The following UBE2E2 variants were observed in gnomAD, a reference collection of about 807,000 sequenced individuals.
UBE2E2 encodes ubiquitin-conjugating enzyme E2 E2.
A neutral mutation model predicts 24.7 loss-of-function variants in UBE2E2; 6 were observed. The ratio of observed to expected loss-of-function variants is 0.24; its 90% confidence interval spans 0.13 to 0.48. The LOEUF is 0.48. Among genes scored for constraint, UBE2E2 ranks in the 20% least tolerant of loss-of-function variants. UBE2E2 has a pLI of 0.99. For synonymous variants in UBE2E2, 104 were observed against 83.6 expected, an observed-to-expected ratio of 1.24 and a Z score of -1.33; for missense variants, 169 against 245.0, an observed-to-expected ratio of 0.69 and a Z score of 2.07.
chr3:23,506,009 C>T (rs1694448171), intron 4 of UBE2E2, among the ~76,000 whole-genome samples: 1 of 152,188 alleles, frequency 6.6e-6, no homozygotes, highest in Non-Finnish European at 1.5e-5. Context: ...TGCACCCTTA[C>T]TCTAGATTAT....
chr3:23,301,409 G>T (rs1312388369), intron 3 of UBE2E2, among the ~76,000 whole-genome samples: 3 of 152,096 alleles, frequency 2.0e-5, no homozygotes, highest in Non-Finnish European at 4.4e-5. Flanking sequence ...CCATGTTTGT[G>T]GTTTTATCTA....
At chr3:23,210,469 A>G (rs1696289573) in intron 2 of UBE2E2, among the ~76,000 whole-genome samples, 1 of 152,192 alleles carries the variant, frequency 6.6e-6, no homozygotes, top group South Asian at 2.1e-4. Flanking sequence ...TATGTCAAAG[A>G]CCAAATTCTG....
rs150970405 is a variant in UBE2E2, at chr3:23,504,912, C to CTTTTTTTTTTTTTTTTTTTTTTTTTTTT, written c.360+5186_360+5187insTTTTTTTTTTTTTTTTTTTTTTTTTTTT. Among the ~76,000 whole-genome samples the CTTTTTTTTTTTTTTTTTTTTTTTTTTTT allele has an allele frequency of 1.2e-3, 115 of 95,038 alleles. 17 individuals are homozygous for CTTTTTTTTTTTTTTTTTTTTTTTTTTTT. Among genetic ancestry groups the CTTTTTTTTTTTTTTTTTTTTTTTTTTTT allele is most frequent in the African/African-American group, 3.6e-3 (78 of 21,568 alleles). The allele number at this position is 95,038 out of a possible 152,430, so 62.3% of individuals were successfully genotyped here. Reference sequence around the variant, plus strand: ...AATGTTTCTGTTTCAGACATTCTTTCTTTTTTTTTTTTTTGAGACAGGGTC... The same window carrying CTTTTTTTTTTTTTTTTTTTTTTTTTTTT: ...AATGTTTCTGTTTCAGACATTCTTTCTTTTTTTTTTTTTTTTTTTTTTTTTTTTTTTTTTTTTTTTTTGAGACAGGGTC... On this transcript the variant is annotated intron_variant, in intron 4 of 5. Transcript: ENST00000396703.
chr3:23,399,014 T>G (rs1398293557), intron 3 of UBE2E2, among the ~76,000 whole-genome samples: 1 of 152,202 alleles, frequency 6.6e-6, no homozygotes, highest in African/African-American at 2.4e-5. Context: ...AAACCTCAGA[T>G]AGTACCAAAC....
chr3:23,385,647 T>G (rs1398643380), intron 3 of UBE2E2, among the ~76,000 whole-genome samples: 1 of 152,214 alleles, frequency 6.6e-6, no homozygotes, highest in South Asian at 2.1e-4. Context: ...ATATGTGGGT[T>G]TAAGTTCTGT....
At chr3:23,373,116 C>T (rs1559365055) in intron 3 of UBE2E2, among the ~76,000 whole-genome samples, 1 of 152,134 alleles carries the variant, frequency 6.6e-6, no homozygotes, top group Non-Finnish European at 1.5e-5. Flanking sequence ...ACCCTTCCTC[C>T]TCAACTCCCC....
At chr3:23,558,382 A>T (rs1408462845) in intron 5 of UBE2E2, among the ~76,000 whole-genome samples, 2 of 152,158 alleles carry the variant, frequency 1.3e-5, no homozygotes, top group African/African-American at 4.8e-5. Flanking sequence ...CTGGGCAAAC[A>T]TAGATGTACA....
intron 5 of UBE2E2, among the ~76,000 whole-genome samples, chr3:23,540,324 A>C (rs975169344): frequency 6.6e-6 from 1 of 152,204 alleles, no homozygotes; most frequent in Admixed American, 6.5e-5. Flanking sequence ...ACTTAAGGGT[A>C]TGTTACTAAA....
intron 3 of UBE2E2, among the ~76,000 whole-genome samples, chr3:23,489,646 G>T (rs1017204588): frequency 6.6e-6 from 1 of 152,176 alleles, no homozygotes; most frequent in Admixed American, 6.5e-5. Context: ...GGGATAATGC[G>T]AGTAATGCGA....
chr3:23,544,599 G>A (rs1038986574), intron 5 of UBE2E2, among the ~76,000 whole-genome samples: 8 of 152,174 alleles, frequency 5.3e-5, no homozygotes, highest in African/African-American at 1.9e-4. Flanking sequence ...CACTGCTGGT[G>A]GGAATGTAAA....
chr3:23,544,136 T>G (rs1314366181), intron 5 of UBE2E2, among the ~76,000 whole-genome samples: 1 of 152,144 alleles, frequency 6.6e-6, no homozygotes, highest in African/African-American at 2.4e-5. Context: ...AAAACTCTTT[T>G]GGGCGTTGGT....
chr3:23,423,816 G>A (rs1009767673), intron 3 of UBE2E2, among the ~76,000 whole-genome samples: 4 of 152,062 alleles, frequency 2.6e-5, no homozygotes, highest in African/African-American at 7.2e-5. Flanking sequence ...CTAAATCTCC[G>A]ATCAGTAGTA....
rs530910245 is a variant in UBE2E2 at position 23,328,326 on chromosome 3, T to C, written c.227+111014T>C. ...TTACAATGGTTAGATTTAAATTTTT[T>C]TGACTTTATGATGGTGCAAAAGTGA... On this transcript the variant is annotated intron_variant, in intron 3 of 5. Coordinates refer to ENST00000396703, the MANE Select transcript of UBE2E2 (RefSeq NM_152653.4). Among the ~76,000 whole-genome samples, 14 of 152,330 alleles carry C rather than the reference T, an allele frequency of 9.2e-5. No homozygotes were observed. The South Asian group carries it at 2.7e-3, about 29-fold the overall frequency.
intron 3 of UBE2E2, among the ~76,000 whole-genome samples, chr3:23,354,745 A>T (rs1301200683): frequency 6.6e-6 from 1 of 152,178 alleles, no homozygotes; most frequent in Non-Finnish European, 1.5e-5. Flanking sequence ...GCTGGAGAGG[A>T]TGTGGAGAAA....
intron 3 of UBE2E2, among the ~76,000 whole-genome samples, chr3:23,278,104 G>A (rs1698409436): frequency 1.3e-5 from 2 of 151,998 alleles, no homozygotes; most frequent in African/African-American, 2.4e-5. Context: ...CAAATAGAAT[G>A]GATCAATTGT....
At chr3:23,463,617 TG>T (rs745816405) in intron 3 of UBE2E2, among the ~76,000 whole-genome samples, 2 of 152,130 alleles carry the variant, frequency 1.3e-5, no homozygotes, top group African/African-American at 2.4e-5. Flanking sequence ...AGTAGCTTCT[TG>T]ATCTCATTAA....
chr3:23,497,642 A>G (rs1050188158), intron 3 of UBE2E2, among the ~76,000 whole-genome samples: 32 of 152,214 alleles, frequency 2.1e-4, no homozygotes, highest in African/African-American at 7.5e-4. Context: ...CTGGTAGTAA[A>G]TAAGAAAAAC....
At chr3:23,571,618 G>C (rs1175155841) in intron 5 of UBE2E2, among the ~76,000 whole-genome samples, 2 of 152,070 alleles carry the variant, frequency 1.3e-5, no homozygotes, top group South Asian at 2.1e-4. Flanking sequence ...ACACTGACAA[G>C]ATAGCAAGGA....
At chr3:23,573,973 T>G (rs764053148) in intron 5 of UBE2E2, among the ~76,000 whole-genome samples, 2 of 152,102 alleles carry the variant, frequency 1.3e-5, no homozygotes, top group Non-Finnish European at 2.9e-5. Context: ...GTGCAATGCT[T>G]AAACAAAACA....
Sources: allele counts gnomAD v4.1 joint callset (sites outside exome capture counted in the v4.1 genomes callset), GRCh38; gene constraint gnomAD v4.1.1; transcripts MANE v1.5; gene names NCBI Gene and HGNC (gene_info 2026-07-23, HGNC 2026-07-21).